Variants in UST observed in about 807,000 individuals in gnomAD.
UST encodes chondroitin sulfate 2-O-sulfotransferase.
A neutral mutation model predicts 45.6 loss-of-function variants in UST; 21 were observed. The observed-to-expected ratio is 0.46, with a 90% CI of 0.33 to 0.66. The LOEUF (loss-of-function observed/expected upper bound fraction) is 0.66. Ranked by LOEUF, UST falls within the 30% of genes least tolerant of loss-of-function variation. UST has a pLI of 0.02. For synonymous variants in UST, 215 were observed against 200.6 expected, an observed-to-expected ratio of 1.07 and a Z score of -0.61; for missense variants, 463 against 512.4, an observed-to-expected ratio of 0.90 and a Z score of 0.93.
chr6:148,837,191 T>G (rs911008315), intron 1 of UST, among the ~76,000 whole-genome samples: 5 of 152,306 alleles, frequency 3.3e-5, no homozygotes, highest in Admixed American at 1.3e-4. Flanking sequence ...GGAGCAATTT[T>G]GGACCATTGA....
At position 148,822,939 on chromosome 6, in the gene UST, T is replaced by A. The variant is rs138931202; in HGVS notation, c.248-64047T>A. 3.3e-5 allele frequency among the ~76,000 whole-genome samples: 5 copies of A among 152,370 alleles called. No homozygotes were observed. In the East Asian group the frequency reaches 9.6e-4, roughly 29 times the overall value. ...CAGTAAAAAGTGCTAATAGAGCTGA[T>A]GTAATGTATTTACAGCTCTTACTTA... On this transcript the variant is annotated intron_variant, in intron 1 of 7. Transcript: ENST00000367463.
At chr6:148,890,202 A>G (rs1448906994) in intron 2 of UST, among the ~76,000 whole-genome samples, 1 of 152,206 alleles carries the variant, frequency 6.6e-6, no homozygotes, top group Non-Finnish European at 1.5e-5. Context: ...GTATGTGAAC[A>G]TCTTCTCATC....
chr6:148,763,319 T>A (rs949291651), intron 1 of UST, among the ~76,000 whole-genome samples: 3 of 152,364 alleles, frequency 2.0e-5, no homozygotes, highest in East Asian at 1.9e-4. Flanking sequence ...TTGAAAAATG[T>A]CTGTTCATGT....
chr6:148,943,126 A>G (rs1780162081), intron 3 of UST, among the ~76,000 whole-genome samples: 1 of 152,142 alleles, frequency 6.6e-6, no homozygotes, highest in Non-Finnish European at 1.5e-5. Flanking sequence ...AATTATAAAT[A>G]AATACATTAT....
chr6:148,854,705 A>G (rs1220388822), intron 1 of UST, among the ~76,000 whole-genome samples: 1 of 152,180 alleles, frequency 6.6e-6, no homozygotes. Context: ...CTATTTCCTG[A>G]TGAATTGAAG....
At position 148,747,068 on chromosome 6, in the gene UST, C is replaced by A. The variant is rs1775871873; in HGVS notation, c.-363C>A. Among the ~76,000 whole-genome samples, 1 of 151,620 alleles carries A rather than the reference C, an allele frequency of 6.6e-6. No individual in the cohort carries two copies. Among genetic ancestry groups the A allele is most frequent in the South Asian group, 2.1e-4 (1 of 4,818 alleles). On this transcript the variant is annotated 5_prime_UTR_variant, in exon 1 of 8. Transcript: ENST00000367463. ...CCGGGACAAAACACGCCGAGACCTA[C>A]AGACACAAAGCCGGGGGGTCCACGC...
chr6:148,750,086 C>T (rs1332627123), intron 1 of UST, among the ~76,000 whole-genome samples: 3 of 152,208 alleles, frequency 2.0e-5, no homozygotes. Flanking sequence ...TTAGTAAACA[C>T]ATCCTCTCAA....
intron 1 of UST, 55 bp from the exon 2 acceptor site, chr6:148,886,931 A>G (rs1299086565): frequency 1.4e-6 from 2 of 1,449,838 alleles, no homozygotes; most frequent in African/African-American, 1.4e-5. Flanking sequence ...ACTTTGCACT[A>G]AATTCATTTG....
At chr6:149,013,414 T>C (rs569439941) in intron 5 of UST, among the ~76,000 whole-genome samples, 12 of 151,880 alleles carry the variant, frequency 7.9e-5, no homozygotes, top group African/African-American at 2.7e-4. Context: ...TAATCCCAAC[T>C]ACTCGGGAGG....
intron 1 of UST, among the ~76,000 whole-genome samples, chr6:148,769,823 T>C (rs1776388225): frequency 6.6e-6 from 1 of 151,800 alleles, no homozygotes; most frequent in Admixed American, 6.6e-5. Context: ...CCGCTAGGCA[T>C]TCACAAACAG....
At chr6:148,822,109 C>G (rs998830687) in intron 1 of UST, among the ~76,000 whole-genome samples, 1 of 152,130 alleles carries the variant, frequency 6.6e-6, no homozygotes, top group Non-Finnish European at 1.5e-5. Context: ...TAACCAAGAT[C>G]TGGGTGCTGT....
chr6:148,978,231 T>C (rs1443630197), intron 5 of UST, among the ~76,000 whole-genome samples: 1 of 152,200 alleles, frequency 6.6e-6, no homozygotes, highest in Non-Finnish European at 1.5e-5. Flanking sequence ...TTGTTTTTGT[T>C]GTATCTCTAG....
At chr6:148,936,994 C>T (rs1780038982) in intron 2 of UST, among the ~76,000 whole-genome samples, 1 of 152,146 alleles carries the variant, frequency 6.6e-6, no homozygotes, top group Admixed American at 6.5e-5. Context: ...CATGCCTGGC[C>T]ATCAGAAACA....
chr6:148,798,728 G>T (rs186634473), intron 1 of UST, among the ~76,000 whole-genome samples: 1 of 152,150 alleles, frequency 6.6e-6, no homozygotes, highest in Non-Finnish European at 1.5e-5. Flanking sequence ...AAACACTGCC[G>T]AAGGTGCTTA....
intron 5 of UST, chr6:148,990,404 A>G: frequency 7.1e-6 from 7 of 985,412 alleles, no homozygotes; most frequent in Non-Finnish European, 8.4e-6. Context: ...AAGAGCGAGA[A>G]GCCAAAGGAG....
At chr6:148,821,153 T>C (rs1161386426) in intron 1 of UST, among the ~76,000 whole-genome samples, 3 of 151,526 alleles carry the variant, frequency 2.0e-5, no homozygotes, top group Non-Finnish European at 4.4e-5. Flanking sequence ...GTATTTTCAG[T>C]AGAGTCGGGG....
At chr6:149,000,235 G>A (rs1327331997) in intron 5 of UST, among the ~76,000 whole-genome samples, 1 of 152,192 alleles carries the variant, frequency 6.6e-6, no homozygotes, top group African/African-American at 2.4e-5. Flanking sequence ...GCCCTTATAA[G>A]AGGCTAGAGA....
chr6:148,973,328 A>C (rs1582936432), intron 5 of UST, among the ~76,000 whole-genome samples: 3 of 152,238 alleles, frequency 2.0e-5, no homozygotes, highest in Admixed American at 2.0e-4. Context: ...CAGAATGAGC[A>C]CTTTGATGAA....
intron 5 of UST, among the ~76,000 whole-genome samples, chr6:148,987,655 A>G (rs544244983): frequency 6.6e-6 from 1 of 152,324 alleles, no homozygotes; most frequent in African/African-American, 2.4e-5. Flanking sequence ...CCACTTGTAC[A>G]TCACTTCCAA....
Sources: allele counts gnomAD v4.1 joint callset (sites outside exome capture counted in the v4.1 genomes callset), GRCh38; gene constraint gnomAD v4.1.1; transcripts MANE v1.5; gene names NCBI Gene and HGNC (gene_info 2026-07-23, HGNC 2026-07-21).